Variants in DNMT3B observed in about 807,000 individuals in gnomAD.
DNMT3B encodes DNA (cytosine-5)-methyltransferase 3B.
Under a neutral mutation model 120.2 loss-of-function variants are expected in DNMT3B, and 37 were observed. That is an observed-to-expected ratio of 0.31 (90% CI 0.24 to 0.40). The LOEUF is 0.40. DNMT3B is among the 10% of genes least tolerant of loss of function. The pLI is 1.00. For synonymous variants in DNMT3B, 412 were observed against 442.8 expected (o/e 0.93, Z 0.87); for missense variants, 878 against 1,137.3 (o/e 0.77, Z 3.28).
At chr20:32,781,127 T>C (rs1445566253) in intron 2 of DNMT3B, among the ~76,000 whole-genome samples, 1 of 152,172 alleles carries the variant, frequency 6.6e-6, no homozygotes, top group Non-Finnish European at 1.5e-5. Context: ...AACTTCAGTG[T>C]TGGTTTGGGT....
intron 1 of DNMT3B, among the ~76,000 whole-genome samples, chr20:32,771,230 C>T (rs1379485237): frequency 6.6e-6 from 1 of 152,046 alleles, no homozygotes; most frequent in African/African-American, 2.4e-5. Flanking sequence ...AACTAAGCTC[C>T]CTTAAAGAAA....
At chr20:32,783,125 C>A (rs1279159378) in intron 3 of DNMT3B, among the ~76,000 whole-genome samples, 1 of 152,130 alleles carries the variant, frequency 6.6e-6, no homozygotes, top group Non-Finnish European at 1.5e-5. Flanking sequence ...TGGGGTTTCA[C>A]CATGTTGGCC....
intron 20 of DNMT3B, among the ~76,000 whole-genome samples, chr20:32,804,891 C>T (rs1489851864): frequency 1.3e-5 from 2 of 152,008 alleles, no homozygotes; most frequent in Non-Finnish European, 2.9e-5. Context: ...AGGCTGTATC[C>T]CCAGCAGTGA....
chr20:32,793,770 G>T (rs1980274607), intron 10 of DNMT3B, among the ~76,000 whole-genome samples, 175 bp downstream of exon 10: 2 of 152,088 alleles, frequency 1.3e-5, no homozygotes. Context: ...GTTAACGTTG[G>T]GTTGCACATC....
intron 1 of DNMT3B, among the ~76,000 whole-genome samples, chr20:32,771,881 T>C (rs1307673744): frequency 1.3e-5 from 2 of 152,172 alleles, no homozygotes; most frequent in African/African-American, 4.8e-5. Flanking sequence ...ACAGGCGAGT[T>C]ATGTTTTCCG....
chr20:32,799,435 C>T, intron 16 of DNMT3B, 107 bp downstream of exon 16: 1 of 1,275,772 alleles, frequency 7.8e-7, no homozygotes, highest in Non-Finnish European at 1.1e-6. Context: ...AGAAAGGTCC[C>T]TGGGGATTAC....
At chr20:32,793,312 A>G (rs55674025) in intron 9 of DNMT3B, among the ~76,000 whole-genome samples, 10,654 of 152,108 alleles carry the variant, frequency 0.07, 390 homozygotes, top group African/African-American at 0.096. Flanking sequence ...TGAAAAATAG[A>G]AAAATTAGCC....
chr20:32,768,217 T>C (rs1342219397), intron 1 of DNMT3B, among the ~76,000 whole-genome samples: 2 of 144,214 alleles, frequency 1.4e-5, no homozygotes, highest in East Asian at 4.2e-4. Flanking sequence ...TTTTTGGAGA[T>C]GGAGTTTCAC....
intron 10 of DNMT3B, 141 bp downstream of exon 10, chr20:32,793,736 C>T: frequency 1.1e-6 from 1 of 930,516 alleles, no homozygotes; most frequent in Non-Finnish European, 1.7e-6. Context: ...CCCCTCACAT[C>T]CCACCCTCAC....
At chr20:32,791,758 G>A (rs761630021) in intron 8 of DNMT3B, 50 bp downstream of exon 8, 4 of 1,598,514 alleles carry the variant, frequency 2.5e-6, no homozygotes, top group Non-Finnish European at 3.4e-6. Flanking sequence ...CAGGGATGAA[G>A]CAAGAGACCC....
intron 12 of DNMT3B, among the ~76,000 whole-genome samples, chr20:32,796,304 A>G (rs570973583): frequency 6.6e-6 from 1 of 152,282 alleles, no homozygotes; most frequent in African/African-American, 2.4e-5. Context: ...TAAAGGTCCT[A>G]TCTACCCAGC....
intron 2 of DNMT3B, among the ~76,000 whole-genome samples, chr20:32,781,035 A>G (rs1319378172): frequency 6.6e-6 from 1 of 152,254 alleles, no homozygotes; most frequent in Non-Finnish European, 1.5e-5. Context: ...CACAGCAGGC[A>G]GTGAATTGTT....
chr20:32,805,886 C>A (rs1981917780), intron 21 of DNMT3B, among the ~76,000 whole-genome samples: 1 of 152,100 alleles, frequency 6.6e-6, no homozygotes, highest in Non-Finnish European at 1.5e-5. Flanking sequence ...GTCTTCTTGG[C>A]CCCCCACGTG....
intron 8 of DNMT3B, 108 bp from the exon 9 acceptor site, chr20:32,792,518 G>A (rs1027100987): frequency 6.3e-7 from 1 of 1,584,760 alleles, no homozygotes; most frequent in African/African-American, 1.3e-5. Flanking sequence ...GCTATGAAAG[G>A]GCCCAGTGTG....
intron 16 of DNMT3B, 25 bp from the exon 17 acceptor site, chr20:32,800,128 T>C (rs762370320): frequency 1.9e-6 from 3 of 1,614,184 alleles, no homozygotes; most frequent in South Asian, 2.2e-5. Context: ...TCATTTATGC[T>C]TCTGTGTCTC....
chr20:32,797,044 G>A (rs1033897362), intron 13 of DNMT3B, 143 bp from the exon 14 acceptor site: 4 of 1,606,638 alleles, frequency 2.5e-6, no homozygotes, highest in Non-Finnish European at 3.4e-6. Context: ...TGGCACGCAG[G>A]TCACAGCCAG....
chr20:32,781,246 A>AGG, intron 2 of DNMT3B, 107 bp from the exon 3 acceptor site: 1 of 1,084,652 alleles, frequency 9.2e-7, no homozygotes, highest in South Asian at 1.3e-5. Context: ...ACAATAGTGT[A>AGG]GGGGAGATCC....
intron 8 of DNMT3B, among the ~76,000 whole-genome samples, chr20:32,792,127 C>T (rs1329877022): frequency 6.6e-6 from 1 of 152,116 alleles, no homozygotes; most frequent in Non-Finnish European, 1.5e-5. Flanking sequence ...ATTTTTTCCC[C>T]CCACCTTTGT....
chr20:32,799,931 CTAGT>C (rs11468163), intron 16 of DNMT3B, among the ~76,000 whole-genome samples: 64,408 of 151,878 alleles, frequency 0.42, 14,672 homozygotes, highest in East Asian at 0.92. Context: ...TGGAGATAAA[CTAGT>C]TAACAACTAC....
Sources: gnomAD v4.1 joint callset for allele counts (sites outside exome capture counted in the v4.1 genomes callset) on GRCh38, gnomAD v4.1.1 for gene constraint, MANE v1.5 for transcripts, NCBI Gene and HGNC (gene_info 2026-07-23, HGNC 2026-07-21) for gene names.